Variants in ERGIC1 observed in about 807,000 individuals in gnomAD.
ERGIC1 encodes endoplasmic reticulum-golgi intermediate compartment 1, also known as endoplasmic reticulum-Golgi intermediate compartment protein 1.
ERGIC1 carries 19 observed loss-of-function variants against 38.3 expected under a neutral mutation model. The observed-to-expected ratio is 0.50, with a 90% CI of 0.35 to 0.73. ERGIC1 has a LOEUF of 0.73. Among genes scored for constraint, ERGIC1 ranks in the 30% least tolerant of loss-of-function variants. The probability of loss-of-function intolerance (pLI) is 0.01; values close to 1 mark genes in which losing one functional copy is unlikely to be tolerated. For synonymous variants in ERGIC1, 124 were observed against 157.6 expected, an observed-to-expected ratio of 0.79 and a Z score of 1.60; for missense variants, 294 against 389.2, an observed-to-expected ratio of 0.76 and a Z score of 2.06.
intron 2 of ERGIC1, among the ~76,000 whole-genome samples, chr5:172,892,888 G>T (rs1171207095): frequency 6.6e-6 from 1 of 152,110 alleles, no homozygotes; most frequent in South Asian, 2.1e-4. Context: ...CGTGTGATCG[G>T]GACCTTTGGA....
chr5:172,895,502 G>T (rs1237222713), intron 2 of ERGIC1, among the ~76,000 whole-genome samples: 1 of 152,022 alleles, frequency 6.6e-6, no homozygotes, highest in South Asian at 2.1e-4. Context: ...ACTCTCTGCC[G>T]TACACAATAC....
Position 172,926,618 on chromosome 5 carries a change from A to G in ERGIC1, c.541+49A>G. The G allele has an allele frequency of 6.2e-7, 1 of 1,601,198 alleles. No individual in the cohort carries two copies. Among genetic ancestry groups the G allele is most frequent in the South Asian group, 1.1e-5 (1 of 90,958 alleles). ...CCTTCTGCTCCAAGATGCCCAGTACAGCAGGCAGGGAGGGGGAGGGCAGAG... is the reference window on the plus strand; with the variant it reads ...CCTTCTGCTCCAAGATGCCCAGTACGGCAGGCAGGGAGGGGGAGGGCAGAG... On this transcript the variant is annotated intron_variant, in intron 7 of 9. Coordinates refer to ENST00000393784, the MANE Select transcript of ERGIC1 (RefSeq NM_001031711.3). This position sits in a 1 kb window ranked among gnomAD's most constrained non-coding sequence, Gnocchi z 5.2.
intron 1 of ERGIC1, among the ~76,000 whole-genome samples, chr5:172,878,950 G>C (rs1762216137): frequency 6.6e-6 from 1 of 152,202 alleles, no homozygotes; most frequent in Non-Finnish European, 1.5e-5. Flanking sequence ...CTGGTGGCCA[G>C]GGCTGACCAG....
chr5:172,884,251 T>TG (rs1762359222), intron 1 of ERGIC1, among the ~76,000 whole-genome samples: 1 of 115,184 alleles, frequency 8.7e-6, no homozygotes, highest in Non-Finnish European at 2.1e-5. Flanking sequence ...CAAGTTTTTT[T>TG]TTTTTTTTTT....
intron 4 of ERGIC1, among the ~76,000 whole-genome samples, chr5:172,911,973 C>G (rs1763219588): frequency 6.6e-6 from 1 of 151,880 alleles, no homozygotes. Flanking sequence ...GTGTGCGTGT[C>G]TGTGAACATA....
intron 1 of ERGIC1, among the ~76,000 whole-genome samples, 190 bp from the exon 2 acceptor site, chr5:172,888,508 CT>C (rs1048006825): frequency 6.6e-6 from 1 of 151,888 alleles, no homozygotes; most frequent in Non-Finnish European, 1.5e-5. Flanking sequence ...GGGATGTGAT[CT>C]AAGGGTGTTG....
chr5:172,944,903 C>T (rs970721527), intron 9 of ERGIC1, among the ~76,000 whole-genome samples: 1 of 152,250 alleles, frequency 6.6e-6, no homozygotes, highest in Non-Finnish European at 1.5e-5. Context: ...CTTCCCCACG[C>T]CCCCGGCTGA....
At chr5:172,888,117 C>T (rs1484851218) in intron 1 of ERGIC1, among the ~76,000 whole-genome samples, 1 of 152,182 alleles carries the variant, frequency 6.6e-6, no homozygotes, top group African/African-American at 2.4e-5. Flanking sequence ...GGAACAAAAC[C>T]TAACTAGGCC....
intron 2 of ERGIC1, among the ~76,000 whole-genome samples, chr5:172,893,923 G>GA (rs1561721916): frequency 4.6e-5 from 3 of 65,478 alleles, no homozygotes; most frequent in African/African-American, 1.2e-4. Flanking sequence ...GTGTGTGTGT[G>GA]TGTGTGTGTG....
intron 7 of ERGIC1, 142 bp from the exon 8 acceptor site, chr5:172,932,294 G>A (rs1561741790): frequency 2.8e-6 from 2 of 717,118 alleles, no homozygotes; most frequent in East Asian, 2.7e-5. Context: ...GGGAGAAGAT[G>A]AAGAGCAGTT....
chr5:172,948,515 G>A (rs979013838), intron 9 of ERGIC1, among the ~76,000 whole-genome samples: 1 of 152,138 alleles, frequency 6.6e-6, no homozygotes, highest in Non-Finnish European at 1.5e-5. Flanking sequence ...TCTGAGTCCT[G>A]TGGTCATTTA....
chr5:172,884,495 T>C (rs1322895146), intron 1 of ERGIC1, among the ~76,000 whole-genome samples: 7 of 152,114 alleles, frequency 4.6e-5, no homozygotes, highest in African/African-American at 1.7e-4. Context: ...CCTCAAGCGA[T>C]CCCCCCACCT....
At chr5:172,851,200 CA>C (rs34437961) in intron 1 of ERGIC1, among the ~76,000 whole-genome samples, 3,614 of 96,622 alleles carry the variant, frequency 0.037, 125 homozygotes, top group African/African-American at 0.11. Flanking sequence ...GACTCTGTCT[CA>C]AAAAAAAAAA....
chr5:172,898,342 G>A (rs540314052), intron 3 of ERGIC1: 1 of 153,048 alleles, frequency 6.5e-6, no homozygotes, highest in Non-Finnish European at 1.5e-5. Context: ...CCAGGGAGGT[G>A]GAGGGACCTG....
intron 9 of ERGIC1, among the ~76,000 whole-genome samples, chr5:172,950,332 G>A (rs1764205395): frequency 1.3e-5 from 2 of 152,322 alleles, no homozygotes; most frequent in South Asian, 4.1e-4. Flanking sequence ...ACAGGCTCCA[G>A]AGTTAAGACG....
intron 3 of ERGIC1, chr5:172,897,957 G>T (rs867238577): frequency 1.5e-5 from 6 of 413,330 alleles, no homozygotes; most frequent in Admixed American, 4.4e-5. Flanking sequence ...TGGGGTGTGT[G>T]TAACAGAATG....
At chr5:172,889,101 A>G (rs144571023) in intron 2 of ERGIC1, among the ~76,000 whole-genome samples, 1 of 152,156 alleles carries the variant, frequency 6.6e-6, no homozygotes, top group Non-Finnish European at 1.5e-5. Flanking sequence ...GCTGACCAAC[A>G]TGCTGAAACC....
intron 2 of ERGIC1, among the ~76,000 whole-genome samples, chr5:172,893,814 G>T (rs1174972214): frequency 6.9e-6 from 1 of 145,166 alleles, no homozygotes; most frequent in East Asian, 2.0e-4. Flanking sequence ...ATTGCTGAGT[G>T]AGCAAAGCAC....
chr5:172,894,117 A>T (rs1386623072), intron 2 of ERGIC1, among the ~76,000 whole-genome samples: 12 of 43,466 alleles, frequency 2.8e-4, no homozygotes, highest in East Asian at 6.7e-4. Flanking sequence ...TCACTGTCTT[A>T]TGGTGCTGAT....
Sources: gnomAD v4.1 joint callset for allele counts (sites outside exome capture counted in the v4.1 genomes callset) on GRCh38, gnomAD v4.1.1 for gene constraint, Gnocchi (gnomAD v3.1) non-coding constraint, MANE v1.5 for transcripts, NCBI Gene and HGNC (gene_info 2026-07-23, HGNC 2026-07-21) for gene names.